The following DHX37 variants were observed in gnomAD, a reference collection of about 807,000 sequenced individuals.
DHX37 encodes the protein probable ATP-dependent RNA helicase DHX37.
A neutral mutation model predicts 134.3 loss-of-function variants in DHX37; 52 were observed. The ratio of observed to expected loss-of-function variants is 0.39; its 90% CI spans 0.31 to 0.49. The LOEUF (loss-of-function observed/expected upper bound fraction) is 0.49, where lower values mean the gene tolerates loss of function less well. Among genes scored for constraint, DHX37 ranks in the 20% least tolerant of loss-of-function variants. The probability of loss-of-function intolerance (pLI) is 0.93; values close to 1 mark genes in which losing one functional copy is unlikely to be tolerated. For synonymous variants in DHX37, 634 were observed against 670.7 expected (o/e 0.95, Z 0.85); for missense variants, 1,344 against 1,580.8 (o/e 0.85, Z 2.54).
Position 124,960,292 on chromosome 12 carries a change from G to A in DHX37, c.2157+20C>T. On this transcript the variant is annotated intron_variant, in intron 16 of 26. Coordinates refer to ENST00000308736, the MANE Select transcript of DHX37 (RefSeq NM_032656.4). ...GGTCCACTGGGGTGGCTGAGAGCGG[G>A]GCTGGGGGCAGCAACTGACCTTTTC... is the stretch of plus-strand genomic sequence containing the variant. 6.2e-7 allele frequency: 1 copy of A among 1,606,534 alleles called. No homozygotes were observed. The highest frequency in any genetic ancestry group is 8.5e-7 in the Non-Finnish European group (1 of 1,174,414).
Position 124,980,469 on chromosome 12 carries a change from C to T in DHX37, c.738+21G>A. ...TTGCCCGCTAACCTAGATTCTTAATCACAAACACGGGGTGGCGAACCTGCA... is the reference window on the plus strand; with the variant it reads ...TTGCCCGCTAACCTAGATTCTTAATTACAAACACGGGGTGGCGAACCTGCA... On this transcript the variant is annotated intron_variant, in intron 4 of 26. Coordinates refer to ENST00000308736, the MANE Select transcript of DHX37 (RefSeq NM_032656.4). The surrounding 1 kb of genome is among the most constrained non-coding windows in gnomAD (Gnocchi z 5.3). 1 of 1,601,886 alleles carries T rather than the reference C, an allele frequency of 6.2e-7. No homozygotes were observed. The highest frequency in any genetic ancestry group is 8.5e-7 in the Non-Finnish European group (1 of 1,176,760).
intron 15 of DHX37, among the ~76,000 whole-genome samples, chr12:124,961,932 T>C (rs1406392081): frequency 1.3e-5 from 2 of 151,784 alleles, no homozygotes; most frequent in Non-Finnish European, 2.9e-5. Context: ...GGCTCAAAAA[T>C]ACTGAAGCTT....
chr12:124,963,033 A>T (rs1476141319), intron 15 of DHX37, among the ~76,000 whole-genome samples: 1 of 152,236 alleles, frequency 6.6e-6, no homozygotes, highest in Non-Finnish European at 1.5e-5. Flanking sequence ...CCGGAGCCAG[A>T]CAAATCCTTG....
chr12:124,958,481 C>T (rs1307651630), intron 16 of DHX37, among the ~76,000 whole-genome samples: 3 of 152,176 alleles, frequency 2.0e-5, no homozygotes, highest in Non-Finnish European at 4.4e-5. Context: ...CCACGTGACC[C>T]ACAGTCAGGC....
chr12:124,971,254 G>A, intron 8 of DHX37, 48 bp downstream of exon 8: 1 of 1,588,854 alleles, frequency 6.3e-7, no homozygotes, highest in Non-Finnish European at 8.6e-7. Flanking sequence ...GACAGAGCTG[G>A]GGGGGGCCTA....
chr12:124,957,878 A>G (rs1487068719), intron 16 of DHX37, among the ~76,000 whole-genome samples: 1 of 152,344 alleles, frequency 6.6e-6, no homozygotes, highest in Admixed American at 6.5e-5. Context: ...GCATGAACAA[A>G]ACGTGGGCCA....
intron 18 of DHX37, among the ~76,000 whole-genome samples, chr12:124,954,519 G>A (rs374055924): frequency 3.5e-4 from 53 of 151,790 alleles, no homozygotes; most frequent in African/African-American, 1.2e-3. Context: ...TCAGCCTCCC[G>A]AGTAGCTGGG....
chr12:124,961,334 G>T (rs112512463), intron 15 of DHX37, among the ~76,000 whole-genome samples: 3 of 150,870 alleles, frequency 2.0e-5, no homozygotes, highest in African/African-American at 7.4e-5. Flanking sequence ...ACACGTGCAC[G>T]CACACACACA....
Position 124,947,803 on chromosome 12 carries a change from C to A in DHX37, c.3473G>T (p.Ter1158LeuextTer26). 1.9e-6 allele frequency: 3 copies of A among 1,571,390 alleles called. No homozygotes were observed. Among genetic ancestry groups the A allele is most frequent in the Middle Eastern group, 1.7e-4 (1 of 5,752 alleles). The change falls in exon 27 of 27, where the codon TGA (stop) becomes TTA (leucine). Residue 1158 changes from the stop codon to leucine (L), a stop_lost. Transcript: ENST00000308736. ...TCGGCCCTGCAGCCAGGTTTCTGGT[C>A]AGTGGACAGTGGTGGGGGGCCAGGC... ...EKAWPPTTVH[*>L]
rs372608136 is a variant in DHX37, at chr12:124,950,377, G to A, written c.3121+36C>T. The A allele has an allele frequency of 1.4e-4, 229 of 1,595,580 alleles. 1 individual carries two copies. The highest frequency in any genetic ancestry group is 1.7e-4 in the Non-Finnish European group (202 of 1,171,176). Reference sequence around the variant, plus strand: ...GTGTCCGAGAAGCCCACGGCTGCAGGAGGCTCAGGTTGCCCAGGACACTGC... The same window carrying A: ...GTGTCCGAGAAGCCCACGGCTGCAGAAGGCTCAGGTTGCCCAGGACACTGC... On this transcript the variant is annotated intron_variant, in intron 23 of 26. Transcript: ENST00000308736.
chr12:124,971,826 A>C (rs977750315), intron 7 of DHX37, among the ~76,000 whole-genome samples: 1 of 152,194 alleles, frequency 6.6e-6, no homozygotes, highest in African/African-American at 2.4e-5. Context: ...CGGGCCCTGC[A>C]TGCTCTCTGG....
chr12:124,977,401 C>G lies in DHX37; in HGVS notation c.828G>C (p.Glu276Asp), dbSNP rs1470244684. The G allele has an allele frequency of 5.0e-6, 8 of 1,609,516 alleles. No homozygotes were observed. Among genetic ancestry groups the G allele is most frequent in the Non-Finnish European group, 6.8e-6 (8 of 1,178,324 alleles). Residue 276 changes from glutamate to aspartate, a missense_variant, in exon 5 of 27, where the codon GAG (glutamate) becomes GAC (aspartate). Physicochemically the swap from Glu to Asp is conservative, Grantham distance 45. This residue lies in a region of DHX37 where 77 missense variants were observed against 121.6 expected (regional missense o/e 0.63). Coordinates refer to ENST00000308736, the MANE Select transcript of DHX37 (RefSeq NM_032656.4). ...CCTGTGTGGTCTTCCCGCTGCCGGTCTCACCACACACGATGACGATGGGGT... is the reference window on the plus strand; with the variant it reads ...CCTGTGTGGTCTTCCCGCTGCCGGTGTCACCACACACGATGACGATGGGGT... ...AEHPIVIVCGETGSGKTTQVP... is the reference protein window; with the variant it reads ...AEHPIVIVCGDTGSGKTTQVP...
intron 15 of DHX37, among the ~76,000 whole-genome samples, chr12:124,962,369 G>A (rs10773129): frequency 0.37 from 56,118 of 151,822 alleles, 10,767 homozygotes; most frequent in East Asian, 0.64. Flanking sequence ...AAAAATCTAA[G>A]AATTGGCCGG....
intron 20 of DHX37, 71 bp from the exon 21 acceptor site, chr12:124,952,641 A>C: frequency 6.8e-7 from 1 of 1,461,098 alleles, no homozygotes; most frequent in Non-Finnish European, 9.1e-7. Context: ...ACCTCCTAGA[A>C]AGTCCCAACC....
At chr12:124,954,362 TCAC>T (rs1954045140) in intron 18 of DHX37, 151 bp from the exon 19 acceptor site, 1 of 1,221,094 alleles carries the variant, frequency 8.2e-7, no homozygotes, top group African/African-American at 1.5e-5. Flanking sequence ...AGCTCAAAAT[TCAC>T]CATTGGCAGC....
chr12:124,973,894 C>T (rs1298608258), intron 6 of DHX37, among the ~76,000 whole-genome samples: 2 of 151,906 alleles, frequency 1.3e-5, no homozygotes, highest in African/African-American at 2.4e-5. Context: ...CCACCTGCCT[C>T]GGCCTCCCAA....
In DHX37 at chr12:124,971,287, C is replaced by T. The variant is rs763186699; in HGVS notation, c.1191+15G>A. On this transcript the variant is annotated intron_variant, in intron 8 of 26. Coordinates refer to ENST00000308736, the MANE Select transcript of DHX37 (RefSeq NM_032656.4). ...CTAGGGCTCGGGGCTCCCCAGCACC[C>T]GCCTCCTGCGCTACCTTAGCCCGGA... The T allele has an allele frequency of 1.9e-5, 30 of 1,609,692 alleles. No homozygotes were observed. Among genetic ancestry groups the T allele is most frequent in the Middle Eastern group, 2.1e-4 (1 of 4,836 alleles).
At chr12:124,948,403 C>A in intron 25 of DHX37, 1 of 712,828 alleles carries the variant, frequency 1.4e-6, no homozygotes, top group Non-Finnish European at 2.3e-6. Flanking sequence ...TGAACCATGA[C>A]TGCACCACTG....
chr12:124,976,427 G>A (rs138624440), intron 5 of DHX37, among the ~76,000 whole-genome samples: 87 of 152,336 alleles, frequency 5.7e-4, no homozygotes, highest in African/African-American at 1.8e-3. Context: ...AATGGTAAGC[G>A]CAGGCTGGGC....
Sources: allele counts gnomAD v4.1 joint callset (sites outside exome capture counted in the v4.1 genomes callset), GRCh38; gene constraint gnomAD v4.1.1; regional missense constraint gnomAD v4.1.1; non-coding constraint Gnocchi (gnomAD v3.1); transcripts MANE v1.5; gene names NCBI Gene and HGNC (gene_info 2026-07-23, HGNC 2026-07-21).